The following ST8SIA6 variants were observed in gnomAD, a reference collection of about 807,000 sequenced individuals.
ST8SIA6 encodes the protein alpha-2,8-sialyltransferase 8F.
In ST8SIA6, 39 loss-of-function variants were observed where a neutral mutation model predicts 33.6. The observed-to-expected ratio is 1.16, with a 90% confidence interval of 0.90 to 1.52. The LOEUF (loss-of-function observed/expected upper bound fraction) is 1.52, where lower values mean the gene tolerates loss of function less well. Among genes scored for constraint, ST8SIA6 ranks in the 40% most tolerant of loss-of-function variants. The pLI, the probability that ST8SIA6 is intolerant of heterozygous loss-of-function variation, is 0.00. For synonymous variants in ST8SIA6, 172 were observed against 167.2 expected (o/e 1.03, Z -0.22); for missense variants, 441 against 443.8 (o/e 0.99, Z 0.06).
intron 2 of ST8SIA6, among the ~76,000 whole-genome samples, chr10:17,429,835 A>T (rs1405859047): frequency 6.6e-6 from 1 of 152,096 alleles, no homozygotes; most frequent in African/African-American, 2.4e-5. Flanking sequence ...TTGGAGCTTC[A>T]TTTAGCATCT....
chr10:17,361,282 A>T (rs1849379255), intron 3 of ST8SIA6, among the ~76,000 whole-genome samples: 1 of 152,004 alleles, frequency 6.6e-6, no homozygotes, highest in Non-Finnish European at 1.5e-5. Flanking sequence ...ATTAGAAAAA[A>T]GTCAGAGAAG....
At chr10:17,434,840 G>T (rs1852202575) in intron 2 of ST8SIA6, among the ~76,000 whole-genome samples, 1 of 152,130 alleles carries the variant, frequency 6.6e-6, no homozygotes, top group Non-Finnish European at 1.5e-5. Flanking sequence ...ATGGTTTATG[G>T]TTTCTCTTGT....
intron 2 of ST8SIA6, among the ~76,000 whole-genome samples, chr10:17,445,773 A>T (rs972099766): frequency 2.0e-5 from 3 of 152,220 alleles, no homozygotes; most frequent in Admixed American, 1.3e-4. Flanking sequence ...AAAGGGAGTG[A>T]ATTGGCCTTT....
In ST8SIA6 at chr10:17,344,533, A is replaced by G. The variant is rs909959539; in HGVS notation, c.378-12981T>C. 5.3e-5 allele frequency among the ~76,000 whole-genome samples: 8 copies of G among 152,314 alleles called. No individual in the cohort carries two copies. The East Asian group carries it at 9.7e-4, about 18-fold the overall frequency. ...TGGGGGAAACCACTCCAGTGATTCA[A>G]TTATCTCCCACTGGGTCCCTCCCAC... On this transcript the variant is annotated intron_variant, in intron 4 of 7. Transcript: ENST00000377602.
intron 2 of ST8SIA6, chr10:17,413,285 T>C (rs1851509138): frequency 6.6e-6 from 1 of 151,874 alleles, no homozygotes; most frequent in Non-Finnish European, 1.5e-5. Flanking sequence ...TTTTTTTTGC[T>C]TAACTTTCTA....
intron 3 of ST8SIA6, among the ~76,000 whole-genome samples, chr10:17,382,610 C>T (rs1291208094): frequency 1.3e-5 from 2 of 152,198 alleles, no homozygotes; most frequent in Non-Finnish European, 2.9e-5. Context: ...AGTTACAGGG[C>T]TTTAACTCCT....
At position 17,321,334 on chromosome 10, in the gene ST8SIA6, T is replaced by C; in HGVS notation, c.741A>G (p.Leu247=). The change falls in exon 8 of 8, where the codon TTA becomes TTG. Residue 247 remains leucine (L), a synonymous_variant. Transcript: ENST00000377602. ...CCAGAAATAGGGCTTTTTTTTCCTT[T>C]AAGTTCCCATATCTGCCAAATTAAA... ...PSIITLKYGN[L]KEKKALFLED... The C allele has an allele frequency of 6.3e-7, 1 of 1,596,968 alleles. No homozygotes were observed. Among genetic ancestry groups the C allele is most frequent in the Non-Finnish European group, 8.5e-7 (1 of 1,175,450 alleles).
intron 2 of ST8SIA6, among the ~76,000 whole-genome samples, chr10:17,448,043 T>C (rs1852781596): frequency 6.6e-6 from 1 of 152,110 alleles, no homozygotes. Flanking sequence ...TCAAGTGATC[T>C]GCCTGCCTTG....
At chr10:17,369,471 A>G (rs1188195958) in intron 3 of ST8SIA6, among the ~76,000 whole-genome samples, 1 of 152,176 alleles carries the variant, frequency 6.6e-6, no homozygotes, top group Non-Finnish European at 1.5e-5. Flanking sequence ...AATGTACTGC[A>G]TTTAAAAAAA....
chr10:17,453,394 G>GC (rs369936732), intron 2 of ST8SIA6, among the ~76,000 whole-genome samples, 165 bp downstream of exon 2: 1,613 of 150,350 alleles, frequency 0.011, 11 homozygotes, highest in African/African-American at 0.017. Context: ...TGTGAAGGGT[G>GC]CCCCCCCCCA....
chr10:17,348,676 C>A (rs189105788), intron 4 of ST8SIA6, among the ~76,000 whole-genome samples: 1 of 152,306 alleles, frequency 6.6e-6, no homozygotes, highest in Non-Finnish European at 1.5e-5. Flanking sequence ...ACGGCTCCCA[C>A]GGTTCGCTGT....
At chr10:17,375,794 C>T (rs1430031683) in intron 3 of ST8SIA6, among the ~76,000 whole-genome samples, 1 of 152,202 alleles carries the variant, frequency 6.6e-6, no homozygotes, top group African/African-American at 2.4e-5. Context: ...GAAGACATCT[C>T]AGTCCCTTAC....
intron 2 of ST8SIA6, among the ~76,000 whole-genome samples, chr10:17,430,819 T>C (rs1327187470): frequency 6.6e-6 from 1 of 152,206 alleles, no homozygotes; most frequent in Non-Finnish European, 1.5e-5. Flanking sequence ...AAATATTTTC[T>C]CCCATTCTGT....
chr10:17,385,299 C>T (rs192147971), intron 3 of ST8SIA6, among the ~76,000 whole-genome samples: 34 of 152,274 alleles, frequency 2.2e-4, no homozygotes, highest in Non-Finnish European at 3.7e-4. Flanking sequence ...CCCCACACTT[C>T]GAGTCTTCCT....
At chr10:17,333,640 GAAA>G (rs1161282771) in intron 4 of ST8SIA6, among the ~76,000 whole-genome samples, 1 of 126,658 alleles carries the variant, frequency 7.9e-6, no homozygotes, top group Non-Finnish European at 1.6e-5. Flanking sequence ...AAGCAAAGGG[GAAA>G]GGATTCCCTA....
At chr10:17,380,050 G>A (rs1354253583) in intron 3 of ST8SIA6, among the ~76,000 whole-genome samples, 1 of 152,132 alleles carries the variant, frequency 6.6e-6, no homozygotes, top group Non-Finnish European at 1.5e-5. Flanking sequence ...CCCAAAATTT[G>A]GTTGAGATCT....
intron 6 of ST8SIA6, among the ~76,000 whole-genome samples, chr10:17,324,103 T>A (rs1040879454): frequency 6.6e-6 from 1 of 152,212 alleles, no homozygotes; most frequent in African/African-American, 2.4e-5. Context: ...TAATTTTGAG[T>A]AATTATATTC....
intron 3 of ST8SIA6, among the ~76,000 whole-genome samples, chr10:17,375,024 C>T (rs761036002): frequency 7.8e-5 from 8 of 102,008 alleles, no homozygotes; most frequent in Non-Finnish European, 1.9e-4. Context: ...GCAGCCTCAA[C>T]CTCCTGGCCT....
intron 4 of ST8SIA6, among the ~76,000 whole-genome samples, chr10:17,342,180 C>T (rs995155209): frequency 1.3e-5 from 2 of 152,046 alleles, no homozygotes; most frequent in Non-Finnish European, 2.9e-5. Flanking sequence ...TGTCCATGGC[C>T]CAAGGTCATG....
Sources: gnomAD v4.1 joint callset for allele counts (sites outside exome capture counted in the v4.1 genomes callset) on GRCh38, gnomAD v4.1.1 for gene constraint, MANE v1.5 for transcripts, NCBI Gene and HGNC (gene_info 2026-07-23, HGNC 2026-07-21) for gene names.